The following NDST3 variants were observed in gnomAD, a reference collection of about 807,000 sequenced individuals.
NDST3 encodes the protein N-deacetylase and N-sulfotransferase 3.
In NDST3, 58 loss-of-function variants were observed where a neutral mutation model predicts 96.1. That is an observed-to-expected ratio of 0.60 (90% CI 0.49 to 0.75). NDST3 has a LOEUF of 0.75. Among genes scored for constraint, NDST3 ranks in the 30% least tolerant of loss-of-function variants. The pLI, the probability that NDST3 is intolerant of heterozygous loss-of-function variation, is 0.00. For missense variants in NDST3, 788 were observed against 1,034.2 expected (o/e 0.76, Z 3.27); for synonymous variants, 333 against 359.7 (o/e 0.93, Z 0.84).
At chr4:118,128,505 T>C (rs993258057) in intron 4 of NDST3, among the ~76,000 whole-genome samples, 6 of 152,138 alleles carry the variant, frequency 3.9e-5, no homozygotes, top group African/African-American at 1.4e-4. Context: ...TTTGTGTATA[T>C]TGAACCATCC....
chr4:118,162,462 T>C (rs533092655), intron 6 of NDST3, among the ~76,000 whole-genome samples: 1 of 152,036 alleles, frequency 6.6e-6, no homozygotes, highest in East Asian at 1.9e-4. Flanking sequence ...TACAACTATC[T>C]GATCTTTGAA....
In NDST3 at chr4:118,225,632, T is replaced by C. The variant is rs183208147; in HGVS notation, c.1722+959T>C. Among the ~76,000 whole-genome samples the C allele has an allele frequency of 6.6e-5, 10 of 152,338 alleles. No individual in the cohort carries two copies. The East Asian group carries it at 1.2e-3, about 18-fold the overall frequency. On this transcript the variant is annotated intron_variant, in intron 7 of 13. Coordinates refer to ENST00000296499, the MANE Select transcript of NDST3 (RefSeq NM_004784.3). ...CTACTAGAGTTACAGACAGAGCTGA[T>C]GGTAAAACAATAACAATCATCAGAA...
chr4:118,226,985 G>A lies in NDST3; in HGVS notation c.1819+3G>A. On this transcript the variant is annotated splice_donor_region_variant and intron_variant, in intron 8 of 13. Transcript: ENST00000296499. ...GGTAATAGGACCCCAGAAAACTGGT[G>A]AGAACTTTTTATGTTATGATTAACG... is the stretch of plus-strand genomic sequence containing the variant. The A allele has an allele frequency of 1.9e-6, 3 of 1,595,322 alleles. No individual in the cohort carries two copies. The highest frequency in any genetic ancestry group is 2.6e-6 in the Non-Finnish European group (3 of 1,164,980).
At chr4:118,089,084 C>T (rs993587418) in intron 2 of NDST3, among the ~76,000 whole-genome samples, 1 of 151,882 alleles carries the variant, frequency 6.6e-6, no homozygotes, top group Non-Finnish European at 1.5e-5. Flanking sequence ...GTTTCTTAAC[C>T]AGTTTTTCTC....
chr4:118,121,288 G>T (rs1731545195), intron 4 of NDST3, among the ~76,000 whole-genome samples: 1 of 151,980 alleles, frequency 6.6e-6, no homozygotes, highest in Admixed American at 6.6e-5. Flanking sequence ...GTGTTCCCTT[G>T]GTATATTTCT....
chr4:118,128,716 G>C (rs1732339008), intron 4 of NDST3, among the ~76,000 whole-genome samples: 1 of 151,964 alleles, frequency 6.6e-6, no homozygotes, highest in Non-Finnish European at 1.5e-5. Flanking sequence ...GAGCTTAGAA[G>C]TATTCCCTCC....
chr4:118,068,486 T>G (rs1247607319), intron 2 of NDST3, among the ~76,000 whole-genome samples: 1 of 152,164 alleles, frequency 6.6e-6, no homozygotes, highest in East Asian at 1.9e-4. Flanking sequence ...ATGCATTTAA[T>G]CACTTATCAA....
At chr4:118,075,123 T>C (rs1227115438) in intron 2 of NDST3, among the ~76,000 whole-genome samples, 1 of 151,828 alleles carries the variant, frequency 6.6e-6, no homozygotes, top group African/African-American at 2.4e-5. Flanking sequence ...CATTGTTCAA[T>C]TCCTACCTAT....
intron 4 of NDST3, among the ~76,000 whole-genome samples, chr4:118,132,644 T>C (rs1323788051): frequency 2.0e-5 from 3 of 152,122 alleles, no homozygotes; most frequent in Non-Finnish European, 4.4e-5. Flanking sequence ...TCTTTCACCA[T>C]AGTCACCACT....
At chr4:118,101,368 G>A (rs74682173) in intron 2 of NDST3, among the ~76,000 whole-genome samples, 31 of 141,526 alleles carry the variant, frequency 2.2e-4, no homozygotes, top group South Asian at 4.5e-4. Flanking sequence ...ATGAAGACTT[G>A]AAAAAAAAAA....
At chr4:118,059,847 T>C (rs1172732053) in intron 2 of NDST3, among the ~76,000 whole-genome samples, 1 of 152,180 alleles carries the variant, frequency 6.6e-6, no homozygotes, top group Non-Finnish European at 1.5e-5. Context: ...ATAGTATTAA[T>C]GTTTTGTCAT....
intron 3 of NDST3, among the ~76,000 whole-genome samples, chr4:118,109,163 C>T (rs548194723): frequency 8.5e-5 from 13 of 152,294 alleles, no homozygotes; most frequent in African/African-American, 3.1e-4. Flanking sequence ...AGACTGCCCA[C>T]AACCTCTTCC....
chr4:118,053,595 T>G (rs1210885836), intron 1 of NDST3, among the ~76,000 whole-genome samples, 161 bp from the exon 2 acceptor site: 2 of 152,022 alleles, frequency 1.3e-5, no homozygotes, highest in Admixed American at 6.6e-5. Context: ...ACCAGTCCCA[T>G]GTCCTCACAC....
intron 2 of NDST3, among the ~76,000 whole-genome samples, chr4:118,099,875 G>A (rs1447077160): frequency 1.3e-5 from 2 of 151,962 alleles, no homozygotes; most frequent in Non-Finnish European, 2.9e-5. Context: ...TTCTAAACCT[G>A]GTCAGAGAGA....
At chr4:118,233,740 T>C (rs182433434) in intron 9 of NDST3, among the ~76,000 whole-genome samples, 224 of 152,322 alleles carry the variant, frequency 1.5e-3, no homozygotes, top group African/African-American at 5.2e-3. Context: ...GTAGTAGAGA[T>C]AGATGGTACA....
At chr4:118,213,742 T>A (rs1738996397) in intron 6 of NDST3, among the ~76,000 whole-genome samples, 1 of 150,248 alleles carries the variant, frequency 6.7e-6, no homozygotes, top group Non-Finnish European at 1.5e-5. Context: ...TATACTTTTT[T>A]ATATAAATCC....
Position 118,054,780 on chromosome 4 carries a change from C to A in NDST3, c.870C>A (p.Ser290=). 1.6e-5 allele frequency: 26 copies of A among 1,613,334 alleles called. No homozygotes were observed. Among genetic ancestry groups the A allele is most frequent in the Non-Finnish European group, 2.2e-5 (26 of 1,179,460 alleles). ...LHKLIFIDAI[S]FLSGKRLTLS... The stretch of plus-strand genomic sequence containing the variant: ...AGCTCATCTTCATAGATGCCATCTC[C>A]TTCTTATCAGGGAAGAGGCTGACAT... The change falls in exon 2 of 14, where the codon TCC becomes TCA. Residue 290 remains serine, a synonymous_variant. Coordinates refer to ENST00000296499, the MANE Select transcript of NDST3 (RefSeq NM_004784.3).
chr4:118,103,244 A>C (rs1264201134), intron 2 of NDST3, among the ~76,000 whole-genome samples: 1 of 152,162 alleles, frequency 6.6e-6, no homozygotes, highest in Non-Finnish European at 1.5e-5. Context: ...AAATATGTTC[A>C]AATAGATTTC....
intron 4 of NDST3, among the ~76,000 whole-genome samples, chr4:118,123,220 T>C (rs890838370): frequency 2.0e-5 from 3 of 152,150 alleles, no homozygotes; most frequent in Non-Finnish European, 2.9e-5. Flanking sequence ...CCAGAGAGTA[T>C]ACGGTGGTTA....
Sources: gnomAD v4.1 joint callset for allele counts (sites outside exome capture counted in the v4.1 genomes callset) on GRCh38, gnomAD v4.1.1 for gene constraint, MANE v1.5 for transcripts, NCBI Gene and HGNC (gene_info 2026-07-23, HGNC 2026-07-21) for gene names.